Variants in MGA observed in about 807,000 individuals in gnomAD.
MGA encodes MAX dimerization protein MGA, also known as MAX gene-associated protein.
Under a neutral mutation model 261.1 loss-of-function variants are expected in MGA, and 40 were observed. The observed-to-expected ratio is 0.15, with a 90% CI of 0.12 to 0.20. MGA has a LOEUF of 0.20. MGA is among the 10% of genes least tolerant of loss of function. MGA has a pLI of 1.00. For missense variants in MGA, 3,397 were observed against 3,630.5 expected, an observed-to-expected ratio of 0.94 and a Z score of 1.65; for synonymous variants, 1,302 against 1,290.6, an observed-to-expected ratio of 1.01 and a Z score of -0.19.
intron 11 of MGA, among the ~76,000 whole-genome samples, chr15:41,733,235 G>A: frequency 6.6e-6 from 1 of 152,112 alleles, no homozygotes; most frequent in Non-Finnish European, 1.5e-5. Flanking sequence ...TGGATTACAG[G>A]CGTGAGCCAC....
At chr15:41,751,256 T>G (rs1296545651) in intron 17 of MGA, 1 of 152,248 alleles carries the variant, frequency 6.6e-6, no homozygotes, top group Non-Finnish European at 1.5e-5. Flanking sequence ...AGGGTTGTTG[T>G]ATTTACTTAA....
At chr15:41,697,394 C>T (rs1050841569) in intron 3 of MGA, among the ~76,000 whole-genome samples, 3 of 150,404 alleles carry the variant, frequency 2.0e-5, no homozygotes, top group Non-Finnish European at 4.4e-5. Flanking sequence ...CTTTTACCTC[C>T]TGGTTTTCTT....
At chr15:41,736,837 T>C in intron 13 of MGA, 139 bp downstream of exon 13, 2 of 998,384 alleles carry the variant, frequency 2.0e-6, no homozygotes, top group Non-Finnish European at 2.8e-6. Context: ...ATTATCTCTT[T>C]TTGTAATAGG....
At chr15:41,676,790 T>C (rs1187695322) in intron 2 of MGA, among the ~76,000 whole-genome samples, 2 of 152,198 alleles carry the variant, frequency 1.3e-5, no homozygotes, top group Non-Finnish European at 1.5e-5. Context: ...TAAATTTTAA[T>C]TAATTGCTAA....
chr15:41,762,771 C>T (rs2063556543), intron 22 of MGA, among the ~76,000 whole-genome samples: 1 of 151,834 alleles, frequency 6.6e-6, no homozygotes, highest in African/African-American at 2.4e-5. Context: ...ACCCAGCCCA[C>T]AGTTTTAGTT....
intron 13 of MGA, 87 bp downstream of exon 13, chr15:41,736,785 A>G: frequency 4.4e-6 from 6 of 1,366,992 alleles, no homozygotes; most frequent in Non-Finnish European, 5.8e-6. Context: ...TGGTCCTGAT[A>G]TCCTTTATCT....
At chr15:41,637,280 A>G (rs992739236) in intron 1 of MGA, among the ~76,000 whole-genome samples, 4 of 152,188 alleles carry the variant, frequency 2.6e-5, no homozygotes. Context: ...CATGGTTCGT[A>G]TCATATTGCC....
In MGA at chr15:41,713,285, A is replaced by G. The variant is rs2060473540; in HGVS notation, c.3219A>G (p.Arg1073=). 3 of 1,613,982 alleles carry G rather than the reference A, an allele frequency of 1.9e-6. No individual in the cohort carries two copies. In the South Asian group the frequency reaches 3.3e-5, roughly 18 times the overall value. Residue 1073 remains arginine, a synonymous_variant, in exon 9 of 24, where the codon CGA becomes CGG. Transcript: ENST00000219905. Reference sequence around the variant, plus strand: ...AGCGCCAACCTGCTCACTGCCGCCGACCAGACTGCATGTTTGGTTGTACTT... The same window carrying G: ...AGCGCCAACCTGCTCACTGCCGCCGGCCAGACTGCATGTTTGGTTGTACTT...
At chr15:41,753,997 C>A (rs2063000828) in intron 17 of MGA, among the ~76,000 whole-genome samples, 1 of 152,110 alleles carries the variant, frequency 6.6e-6, no homozygotes, top group Non-Finnish European at 1.5e-5. Flanking sequence ...TGGGTCACTG[C>A]AGCCTCGAAC....
chr15:41,692,574 T>C (rs190936081), intron 2 of MGA, among the ~76,000 whole-genome samples: 59 of 152,330 alleles, frequency 3.9e-4, no homozygotes, highest in African/African-American at 1.4e-3. Flanking sequence ...TTCACTTCAT[T>C]TAGGCTTATT....
At chr15:41,722,122 A>ATTTT (rs35690314) in intron 9 of MGA, among the ~76,000 whole-genome samples, 5 of 87,700 alleles carry the variant, frequency 5.7e-5, no homozygotes, top group South Asian at 3.9e-4. Context: ...AAGTAGGCCA[A>ATTTT]TTTTTTTTTT....
Position 41,740,185 on chromosome 15 carries a change from C to T in MGA, c.4567C>T (p.Pro1523Ser), listed in dbSNP as rs17677991. The change falls in exon 14 of 24, where the codon CCA (proline) becomes TCA (serine). Residue 1523 changes from proline to serine, a missense_variant. Transcript: ENST00000219905. ...TGGGAAGAATCTGAAGGCGTTTGTCCCAGCAAAACGGCCAATTGGTAAGTT... is the reference window on the plus strand; with the variant it reads ...TGGGAAGAATCTGAAGGCGTTTGTCTCAGCAAAACGGCCAATTGGTAAGTT... 1 of 1,613,466 alleles carries T rather than the reference C, an allele frequency of 6.2e-7. No individual in the cohort carries two copies. The highest frequency in any genetic ancestry group is 8.5e-7 in the Non-Finnish European group (1 of 1,179,660).
At chr15:41,638,372 AT>A (rs1368392118) in intron 1 of MGA, among the ~76,000 whole-genome samples, 105 of 128,346 alleles carry the variant, frequency 8.2e-4, no homozygotes, top group Middle Eastern at 4.8e-3. Context: ...ATATGCTAGA[AT>A]TTTTTTTTTT....
At position 41,707,841 on chromosome 15, in the gene MGA, A is replaced by G; in HGVS notation, c.2302A>G (p.Thr768Ala). 1 of 1,613,696 alleles carries G rather than the reference A, an allele frequency of 6.2e-7. No individual in the cohort carries two copies. The highest frequency in any genetic ancestry group is 8.5e-7 in the Non-Finnish European group (1 of 1,179,768). ...CTTTCCTTTTTGGAACCTTACAGGA[A>G]CCAACCCTGCCTCTCCTGGTGAGTA... The change falls in exon 6 of 24, where the codon ACC becomes GCC. Residue 768 changes from threonine (T) to alanine (A), a missense_variant. Thr to Ala is a moderately conservative substitution (Grantham distance 58). Coordinates refer to ENST00000219905, the MANE Select transcript of MGA (RefSeq NM_001164273.2).
At chr15:41,727,055 G>A (rs1331136667) in intron 9 of MGA, 125 bp from the exon 10 acceptor site, 13 of 649,234 alleles carry the variant, frequency 2.0e-5, no homozygotes, top group Admixed American at 6.5e-5. Context: ...GGAGGGGGTC[G>A]TCTATTTGAT....
At chr15:41,740,273 G>C (rs2062017060) in intron 14 of MGA, 70 bp downstream of exon 14, 1 of 1,475,640 alleles carries the variant, frequency 6.8e-7, no homozygotes, top group African/African-American at 1.4e-5. Flanking sequence ...TACAGGTATG[G>C]AGGTTGTAAA....
intron 2 of MGA, among the ~76,000 whole-genome samples, chr15:41,670,333 C>T (rs912677437): frequency 4.6e-5 from 7 of 151,978 alleles, no homozygotes; most frequent in African/African-American, 1.7e-4. Context: ...ATAGATGAGC[C>T]TAGAGAATAC....
In MGA at chr15:41,687,989, A is replaced by G. The variant is rs1349258936; in HGVS notation, c.1065-8086A>G. Among the ~76,000 whole-genome samples the G allele has an allele frequency of 2.0e-5, 3 of 152,272 alleles. No individual in the cohort carries two copies. In the East Asian group the frequency reaches 5.8e-4, roughly 29 times the overall value. On this transcript the variant is annotated intron_variant, in intron 2 of 23. Coordinates refer to ENST00000219905, the MANE Select transcript of MGA (RefSeq NM_001164273.2). ...GCTTCAAATACTTTGAAGCTAATATATGATTAGGTACATATACTTCTAGGG... is the reference window on the plus strand; with the variant it reads ...GCTTCAAATACTTTGAAGCTAATATGTGATTAGGTACATATACTTCTAGGG...
intron 20 of MGA, among the ~76,000 whole-genome samples, chr15:41,760,962 G>A (rs779043068): frequency 1.3e-5 from 2 of 152,160 alleles, no homozygotes; most frequent in Non-Finnish European, 2.9e-5. Flanking sequence ...GTAGAGACGG[G>A]GTTTCTCTAT....
Sources: allele counts gnomAD v4.1 joint callset (sites outside exome capture counted in the v4.1 genomes callset), GRCh38; gene constraint gnomAD v4.1.1; transcripts MANE v1.5; gene names NCBI Gene and HGNC (gene_info 2026-07-23, HGNC 2026-07-21).